HYDIN: variants seen among roughly 807,000 people sequenced by gnomAD.
HYDIN encodes the protein axonemal central pair apparatus protein HYDIN.
Under a neutral mutation model 403.9 loss-of-function variants are expected in HYDIN, and 132 were observed. The observed-to-expected ratio is 0.33, with a 90% CI of 0.28 to 0.38. The LOEUF is 0.38. Among genes scored for constraint, HYDIN ranks in the 10% least tolerant of loss-of-function variants. The pLI, the probability that HYDIN is intolerant of heterozygous loss-of-function variation, is 1.00. For synonymous variants in HYDIN, 1,202 were observed against 1,891.7 expected (o/e 0.64, Z 9.46); for missense variants, 2,827 against 5,009.5 (o/e 0.56, Z 13.15).
intron 53 of HYDIN, 139 bp downstream of exon 53, chr16:70,900,865 C>T: frequency 3.0e-6 from 1 of 335,792 alleles, no homozygotes; most frequent in South Asian, 4.8e-5. Context: ...AGATTGTGGA[C>T]TGGGGATATC....
chr16:71,217,347 G>A (rs1259082226), intron 1 of HYDIN, among the ~76,000 whole-genome samples: 1 of 152,140 alleles, frequency 6.6e-6, no homozygotes, highest in Non-Finnish European at 1.5e-5. Context: ...TCTCCAGAAT[G>A]AGGAGCCAAA....
chr16:70,881,561 T>C (rs1449869376), intron 60 of HYDIN, among the ~76,000 whole-genome samples: 2 of 146,714 alleles, frequency 1.4e-5, no homozygotes, highest in Non-Finnish European at 3.0e-5. Context: ...TGAGCTGAGA[T>C]TGCGCCACTG....
At chr16:70,899,580 G>C (rs1332778030) in intron 53 of HYDIN, among the ~76,000 whole-genome samples, 1 of 152,092 alleles carries the variant, frequency 6.6e-6, no homozygotes, top group Admixed American at 6.6e-5. Context: ...CTGTTTTTTA[G>C]TCACCCAGTA....
At chr16:71,086,288 G>A (rs997874784) in intron 12 of HYDIN, among the ~76,000 whole-genome samples, 12 of 152,224 alleles carry the variant, frequency 7.9e-5, no homozygotes, top group African/African-American at 2.4e-4. Context: ...ATGAGTTCTT[G>A]CACCTAATAT....
rs191558983 is a variant in HYDIN, at chr16:70,996,675, G to A, written c.3645-4465C>T. 7.3e-3 allele frequency among the ~76,000 whole-genome samples: 1,109 copies of A among 151,998 alleles called. 6 individuals are homozygous for A. Among genetic ancestry groups the A allele is most frequent in the Non-Finnish European group, 8.4e-3 (573 of 67,966 alleles). On this transcript the variant is annotated intron_variant, in intron 23 of 85. Coordinates refer to ENST00000393567, the MANE Select transcript of HYDIN (RefSeq NM_001270974.2). ...ACCATCATTTTTGGAATTCAAATGAGGGAGGTACTAACTCTTCTTGGATGC... is the reference window on the plus strand; with the variant it reads ...ACCATCATTTTTGGAATTCAAATGAAGGAGGTACTAACTCTTCTTGGATGC...
chr16:70,921,202 T>A lies in HYDIN; in HGVS notation c.7174A>T (p.Lys2392Ter). Residue 2392 changes from lysine to a stop codon, truncating the protein, a stop_gained, in exon 46 of 86, where the codon AAA becomes TAA. Coordinates refer to ENST00000393567, the MANE Select transcript of HYDIN (RefSeq NM_001270974.2). LOFTEE classifies it high-confidence loss of function. ...AANKQVPPLT[K>*]VDVKMETIER... ...ATTGTCTCCATCTTGACATCCACTT[T>A]GGTGAGCGGAGGAACCTAGAAGGCA... is the stretch of plus-strand genomic sequence containing the variant. The A allele has an allele frequency of 6.9e-7, 1 of 1,446,942 alleles. No individual in the cohort carries two copies. The highest frequency in any genetic ancestry group is 9.3e-7 in the Non-Finnish European group (1 of 1,075,732). The allele number at this position is 1,446,942 out of a possible 1,614,324, so 89.6% of individuals were successfully genotyped here. A position where few individuals can be genotyped will look rare whatever the true frequency, so the allele number is the denominator to read the frequency against.
intron 47 of HYDIN, among the ~76,000 whole-genome samples, chr16:70,916,033 C>A (rs1012982357): frequency 6.6e-6 from 1 of 152,240 alleles, no homozygotes; most frequent in African/African-American, 2.4e-5. Context: ...AGGCAGTGGG[C>A]AAGCAGGGCT....
At chr16:71,210,487 G>A (rs921971369) in intron 1 of HYDIN, among the ~76,000 whole-genome samples, 2 of 151,868 alleles carry the variant, frequency 1.3e-5, no homozygotes, top group African/African-American at 4.8e-5. Flanking sequence ...GGGAACAACA[G>A]ACATTGTGCC....
At chr16:71,163,955 G>A (rs967309695) in intron 5 of HYDIN, among the ~76,000 whole-genome samples, 2 of 151,146 alleles carry the variant, frequency 1.3e-5, no homozygotes, top group African/African-American at 4.9e-5. Context: ...AAAATGCTGA[G>A]GCCCTAGGCA....
At chr16:71,112,583 G>A (rs2083875711) in intron 10 of HYDIN, among the ~76,000 whole-genome samples, 1 of 152,088 alleles carries the variant, frequency 6.6e-6, no homozygotes, top group Non-Finnish European at 1.5e-5. Context: ...TGATAAATTG[G>A]TAAAGAAAGA....
chr16:70,978,021 G>A (rs375554564), intron 30 of HYDIN, among the ~76,000 whole-genome samples: 2 of 150,102 alleles, frequency 1.3e-5, no homozygotes, highest in African/African-American at 5.0e-5. Flanking sequence ...CTCTCTCCCC[G>A]AGGTGCCCAG....
intron 21 of HYDIN, among the ~76,000 whole-genome samples, chr16:71,020,889 T>C (rs992894783): frequency 6.7e-6 from 1 of 149,664 alleles, no homozygotes; most frequent in African/African-American, 2.5e-5. Flanking sequence ...CAACACAGAT[T>C]AGATTTTTTT....
At chr16:71,173,679 T>C (rs925147792) in intron 5 of HYDIN, among the ~76,000 whole-genome samples, 1 of 152,178 alleles carries the variant, frequency 6.6e-6, no homozygotes, top group Non-Finnish European at 1.5e-5. Flanking sequence ...CCCCTTCTAT[T>C]GTTATACAGG....
intron 4 of HYDIN, among the ~76,000 whole-genome samples, chr16:71,176,869 A>G (rs2086688928): frequency 6.6e-6 from 1 of 152,210 alleles, no homozygotes; most frequent in African/African-American, 2.4e-5. Flanking sequence ...GACAGGCTCT[A>G]TCTTTTGTAC....
At chr16:70,863,917 G>A (rs1284577308) in intron 67 of HYDIN, among the ~76,000 whole-genome samples, 1 of 151,972 alleles carries the variant, frequency 6.6e-6, no homozygotes, top group African/African-American at 2.4e-5. Flanking sequence ...GTGTTCAGAA[G>A]CCATTTGACC....
At chr16:71,207,508 C>CA (rs2088361501) in intron 1 of HYDIN, among the ~76,000 whole-genome samples, 1 of 152,206 alleles carries the variant, frequency 6.6e-6, no homozygotes, top group African/African-American at 2.4e-5. Context: ...AAAGCAACCA[C>CA]ACAAACAAGT....
intron 9 of HYDIN, among the ~76,000 whole-genome samples, chr16:71,120,101 A>T (rs765119500): frequency 3.6e-4 from 55 of 152,090 alleles, no homozygotes; most frequent in Non-Finnish European, 5.7e-4. Flanking sequence ...AGCCTTCTAC[A>T]TGTGACCCCT....
chr16:71,012,874 A>G (rs1471965638), intron 23 of HYDIN, among the ~76,000 whole-genome samples: 1 of 122,172 alleles, frequency 8.2e-6, no homozygotes, highest in African/African-American at 3.2e-5. Flanking sequence ...TGTCTATTCT[A>G]GGTGACATTT....
intron 74 of HYDIN, 136 bp from the exon 75 acceptor site, chr16:70,850,083 G>T (rs2038519130): frequency 4.8e-6 from 3 of 626,446 alleles, no homozygotes; most frequent in Non-Finnish European, 8.6e-6. Flanking sequence ...ACTATCTTTA[G>T]CTTAATGGAG....
Sources: gnomAD v4.1 joint callset for allele counts (sites outside exome capture counted in the v4.1 genomes callset) on GRCh38, gnomAD v4.1.1 for gene constraint, MANE v1.5 for transcripts, NCBI Gene and HGNC (gene_info 2026-07-23, HGNC 2026-07-21) for gene names.